The following PARD3 variants were observed in gnomAD, a reference collection of about 807,000 sequenced individuals.
PARD3 encodes the protein par-3 family cell polarity regulator, also known as partitioning defective 3 homolog.
A neutral mutation model predicts 155.4 loss-of-function variants in PARD3; 75 were observed. The ratio of observed to expected loss-of-function variants is 0.48; its 90% CI spans 0.40 to 0.58. The LOEUF (loss-of-function observed/expected upper bound fraction) is 0.58. Among genes scored for constraint, PARD3 ranks in the 20% least tolerant of loss-of-function variants. The probability of loss-of-function intolerance (pLI) is 0.00; values close to 1 mark genes in which losing one functional copy is unlikely to be tolerated. For synonymous variants in PARD3, 576 were observed against 610.5 expected, an observed-to-expected ratio of 0.94 and a Z score of 0.83; for missense variants, 1,642 against 1,721.7, an observed-to-expected ratio of 0.95 and a Z score of 0.82.
At chr10:34,341,063 G>C (rs1836764085) in intron 16 of PARD3, among the ~76,000 whole-genome samples, 1 of 151,536 alleles carries the variant, frequency 6.6e-6, no homozygotes, top group Non-Finnish European at 1.5e-5. Flanking sequence ...TGGCTCAGTA[G>C]TATCAAATGC....
At chr10:34,671,869 T>TA (rs34381764) in intron 2 of PARD3, among the ~76,000 whole-genome samples, 113,231 of 152,038 alleles carry the variant, frequency 0.74, 43,526 homozygotes, top group African/African-American at 0.93. Context: ...GATATAACTC[T>TA]AGATTTACAT....
intron 1 of PARD3, among the ~76,000 whole-genome samples, chr10:34,706,558 T>C (rs1052196834): frequency 4.0e-5 from 6 of 150,544 alleles, no homozygotes; most frequent in African/African-American, 1.5e-4. Context: ...GCCTGGGCAA[T>C]ATGGCAAGAC....
At chr10:34,309,548 CAAAAAAAAAAAAAAAAAA>C (rs1173904388) in intron 20 of PARD3, among the ~76,000 whole-genome samples, 28 of 63,992 alleles carry the variant, frequency 4.4e-4, no homozygotes, top group Admixed American at 1.2e-3. Flanking sequence ...ACCCTGTCTC[CAAAAAAAAAAAAAAAAAA>C]AAAAAAAAAA....
At chr10:34,732,311 G>A (rs1216719367) in intron 1 of PARD3, among the ~76,000 whole-genome samples, 17 of 152,188 alleles carry the variant, frequency 1.1e-4, no homozygotes, top group Admixed American at 1.1e-3. Flanking sequence ...TAGGGTAGGA[G>A]GCCTGAAGTA....
chr10:34,813,552 A>C (rs1588879343), intron 1 of PARD3, among the ~76,000 whole-genome samples: 1 of 152,344 alleles, frequency 6.6e-6, no homozygotes, highest in African/African-American at 2.4e-5. Context: ...AGAGCTACTA[A>C]AGCCAACGTC....
intron 22 of PARD3, among the ~76,000 whole-genome samples, chr10:34,237,448 G>A (rs148552819): frequency 4.6e-5 from 7 of 152,178 alleles, no homozygotes; most frequent in East Asian, 1.9e-4. Context: ...ACTTCTATAC[G>A]CACTGTATAT....
At chr10:34,195,166 C>T (rs1950882706) in intron 22 of PARD3, among the ~76,000 whole-genome samples, 1 of 152,192 alleles carries the variant, frequency 6.6e-6, no homozygotes. Flanking sequence ...AAGTTGAACA[C>T]AATTAATCCA....
At chr10:34,147,147 G>A (rs1190020769) in intron 22 of PARD3, among the ~76,000 whole-genome samples, 2 of 151,438 alleles carry the variant, frequency 1.3e-5, no homozygotes, top group East Asian at 3.9e-4. Context: ...GTACTTTGTA[G>A]AAAAAAAGGA....
chr10:34,751,447 G>T (rs532146325), intron 1 of PARD3, among the ~76,000 whole-genome samples: 1 of 152,300 alleles, frequency 6.6e-6, no homozygotes, highest in Non-Finnish European at 1.5e-5. Flanking sequence ...TATTGCAGGA[G>T]CTGGCACTGC....
At chr10:34,202,815 C>T (rs748912972) in intron 22 of PARD3, among the ~76,000 whole-genome samples, 1 of 152,152 alleles carries the variant, frequency 6.6e-6, no homozygotes, top group Non-Finnish European at 1.5e-5. Flanking sequence ...CCTGGCAATA[C>T]TTGAGGCACA....
chr10:34,261,781 A>AAAGAAAGAAAGAAAG (rs1554820300), intron 22 of PARD3, among the ~76,000 whole-genome samples: 7 of 131,964 alleles, frequency 5.3e-5, no homozygotes, highest in South Asian at 2.4e-4. Context: ...AGAAAGAAAG[A>AAAGAAAGAAAGAAAG]AAAGAAAGAA....
chr10:34,598,973 C>A (rs1231397550), intron 2 of PARD3, among the ~76,000 whole-genome samples: 1 of 152,088 alleles, frequency 6.6e-6, no homozygotes, highest in Admixed American at 6.6e-5. Flanking sequence ...CCAGCCTCTG[C>A]CAGTGTGGAT....
At chr10:34,633,831 C>T (rs1590327563) in intron 2 of PARD3, among the ~76,000 whole-genome samples, 1 of 152,330 alleles carries the variant, frequency 6.6e-6, no homozygotes, top group Non-Finnish European at 1.5e-5. Context: ...CACATCCTCA[C>T]AATACTGGTC....
At chr10:34,557,736 G>A (rs2085119722) in intron 2 of PARD3, among the ~76,000 whole-genome samples, 1 of 151,832 alleles carries the variant, frequency 6.6e-6, no homozygotes, top group African/African-American at 2.4e-5. Context: ...GGGATTACAG[G>A]CATGAGCCAC....
At chr10:34,459,236 G>A (rs1026525697) in intron 4 of PARD3, among the ~76,000 whole-genome samples, 3 of 151,922 alleles carry the variant, frequency 2.0e-5, no homozygotes, top group Admixed American at 6.6e-5. Context: ...GCGTGATCTC[G>A]GCTCACTGCA....
chr10:34,563,141 A>G (rs764309287), intron 2 of PARD3, among the ~76,000 whole-genome samples: 3 of 152,204 alleles, frequency 2.0e-5, no homozygotes, highest in Non-Finnish European at 2.9e-5. Flanking sequence ...TATACTAACC[A>G]TAACACTACA....
At chr10:34,164,397 A>G (rs1398461360) in intron 22 of PARD3, among the ~76,000 whole-genome samples, 3 of 152,242 alleles carry the variant, frequency 2.0e-5, no homozygotes, top group Non-Finnish European at 4.4e-5. Flanking sequence ...GGAATTAATC[A>G]AAAATGGCAA....
At chr10:34,123,969 AT>A (rs1465254638) in intron 23 of PARD3, among the ~76,000 whole-genome samples, 1 of 152,210 alleles carries the variant, frequency 6.6e-6, no homozygotes, top group Non-Finnish European at 1.5e-5. Context: ...AAATAAAATC[AT>A]TGTTATATTA....
chr10:34,423,677 A>T (rs1337541977), intron 5 of PARD3, among the ~76,000 whole-genome samples: 1 of 152,184 alleles, frequency 6.6e-6, no homozygotes, highest in Admixed American at 6.5e-5. Flanking sequence ...ACACTGATTC[A>T]CATATACACA....
Sources: gnomAD v4.1 joint callset for allele counts (sites outside exome capture counted in the v4.1 genomes callset) on GRCh38, gnomAD v4.1.1 for gene constraint, MANE v1.5 for transcripts, NCBI Gene and HGNC (gene_info 2026-07-23, HGNC 2026-07-21) for gene names.